GRM8: variants seen among roughly 807,000 people sequenced by gnomAD.
GRM8 encodes the protein glutamate metabotropic receptor 8.
In GRM8, 47 loss-of-function variants were observed where a neutral mutation model predicts 87.2. The observed-to-expected ratio is 0.54, with a 90% CI of 0.43 to 0.69. The LOEUF (loss-of-function observed/expected upper bound fraction) is 0.69, where lower values mean the gene tolerates loss of function less well. Ranked by LOEUF, GRM8 falls within the 30% of genes least tolerant of loss-of-function variation. The pLI is 0.00. For synonymous variants in GRM8, 396 were observed against 404.5 expected (o/e 0.98, Z 0.25); for missense variants, 1,019 against 1,139.2 (o/e 0.89, Z 1.52).
At chr7:127,171,818 T>C (rs929219269) in intron 2 of GRM8, among the ~76,000 whole-genome samples, 15 of 152,206 alleles carry the variant, frequency 9.9e-5, no homozygotes, top group African/African-American at 3.6e-4. Context: ...GTATATATTA[T>C]AATCTACAAG....
At chr7:126,697,423 T>C (rs968071318) in intron 7 of GRM8, among the ~76,000 whole-genome samples, 1 of 152,098 alleles carries the variant, frequency 6.6e-6, no homozygotes, top group African/African-American at 2.4e-5. Flanking sequence ...AAAAAGAAGG[T>C]AATTACGTGA....
In GRM8 at chr7:126,687,400, T is replaced by C. The variant is rs76240730; in HGVS notation, c.1358-77902A>G. Among the ~76,000 whole-genome samples, 658 of 152,306 alleles carry C rather than the reference T, an allele frequency of 4.3e-3. 24 individuals are homozygous for C. In the East Asian group the frequency reaches 0.084, roughly 19 times the overall value. ...CTTTTGAGTTTGCTTGTGAGAAGTA[T>C]CTCCATTGTTATGGTTATCTGTAAT... On this transcript the variant is annotated intron_variant, in intron 7 of 10. Coordinates refer to ENST00000339582, the MANE Select transcript of GRM8 (RefSeq NM_000845.3).
At chr7:127,166,340 G>T (rs140423982) in intron 2 of GRM8, among the ~76,000 whole-genome samples, 89 of 151,998 alleles carry the variant, frequency 5.9e-4, no homozygotes, top group African/African-American at 2.1e-3. Context: ...AACATAAAAG[G>T]CTCAGAAATT....
chr7:126,885,831 A>T (rs1325781404), intron 6 of GRM8, among the ~76,000 whole-genome samples: 4 of 152,176 alleles, frequency 2.6e-5, no homozygotes, highest in Non-Finnish European at 5.9e-5. Flanking sequence ...CCTGAAATAA[A>T]AACAGGAAAT....
intron 9 of GRM8, among the ~76,000 whole-genome samples, chr7:126,464,067 T>A (rs1281047123): frequency 3.3e-5 from 5 of 151,684 alleles, no homozygotes; most frequent in African/African-American, 1.2e-4. Flanking sequence ...TATCTTCTTC[T>A]GAAAGTGATC....
chr7:126,746,060 T>C (rs77590203), intron 7 of GRM8, among the ~76,000 whole-genome samples: 3 of 151,832 alleles, frequency 2.0e-5, no homozygotes, highest in African/African-American at 7.2e-5. Flanking sequence ...CATTATAAAA[T>C]ATTACAACTA....
chr7:126,842,451 C>T (rs1329424674), intron 6 of GRM8, among the ~76,000 whole-genome samples: 1 of 152,224 alleles, frequency 6.6e-6, no homozygotes, highest in African/African-American at 2.4e-5. Flanking sequence ...AGAATCACTA[C>T]ATATTTGTGA....
intron 7 of GRM8, among the ~76,000 whole-genome samples, chr7:126,678,503 AG>A (rs1315889443): frequency 2.0e-5 from 3 of 152,210 alleles, no homozygotes; most frequent in African/African-American, 7.2e-5. Flanking sequence ...GGGCAAGGAG[AG>A]GAAAAATTAC....
intron 2 of GRM8, among the ~76,000 whole-genome samples, chr7:127,143,220 C>T (rs1309816811): frequency 2.6e-5 from 4 of 152,096 alleles, no homozygotes; most frequent in African/African-American, 9.7e-5. Context: ...AAACAGCAAA[C>T]GAATGAGCTC....
chr7:126,494,558 CA>C (rs2150659584), intron 9 of GRM8, among the ~76,000 whole-genome samples: 1 of 152,096 alleles, frequency 6.6e-6, no homozygotes, highest in South Asian at 2.1e-4. Context: ...TAACTGATTG[CA>C]AGCACTTAGA....
chr7:127,133,417 C>CA (rs909993986), intron 2 of GRM8, among the ~76,000 whole-genome samples: 2 of 150,938 alleles, frequency 1.3e-5, no homozygotes, highest in South Asian at 2.1e-4. Flanking sequence ...GAGTCTGTCT[C>CA]AAAAAAAACC....
intron 8 of GRM8, among the ~76,000 whole-genome samples, chr7:126,602,816 A>G (rs1350203997): frequency 1.3e-5 from 2 of 148,772 alleles, no homozygotes; most frequent in African/African-American, 4.9e-5. Flanking sequence ...ACAAGGAGGA[A>G]CTGGTACCAT....
chr7:126,847,281 T>C (rs1043050231), intron 6 of GRM8, among the ~76,000 whole-genome samples: 5 of 152,200 alleles, frequency 3.3e-5, no homozygotes, highest in African/African-American at 1.2e-4. Context: ...CAAAGACTTA[T>C]TCTTATCACC....
intron 3 of GRM8, among the ~76,000 whole-genome samples, chr7:127,096,064 G>T (rs17862290): frequency 1.3e-5 from 2 of 152,218 alleles, no homozygotes; most frequent in Admixed American, 6.5e-5. Flanking sequence ...ACTATGTCAG[G>T]TAATACATTA....
intron 3 of GRM8, among the ~76,000 whole-genome samples, chr7:126,921,575 T>C (rs1804538812): frequency 6.6e-6 from 1 of 152,104 alleles, no homozygotes; most frequent in African/African-American, 2.4e-5. Context: ...CACTCGTGAG[T>C]AAAAACCAAT....
At chr7:127,093,951 T>G (rs2132939133) in intron 3 of GRM8, among the ~76,000 whole-genome samples, 1 of 152,374 alleles carries the variant, frequency 6.6e-6, no homozygotes, top group Middle Eastern at 3.4e-3. Context: ...ACTATTCATC[T>G]GCTAGCCTTC....
chr7:126,962,411 G>C (rs1809414318), intron 3 of GRM8, among the ~76,000 whole-genome samples: 1 of 152,158 alleles, frequency 6.6e-6, no homozygotes, highest in African/African-American at 2.4e-5. Context: ...ATAGCACCAG[G>C]AATTTGTTGA....
intron 8 of GRM8, among the ~76,000 whole-genome samples, chr7:126,571,333 C>T (rs1261203303): frequency 2.6e-5 from 4 of 152,058 alleles, no homozygotes; most frequent in Non-Finnish European, 5.9e-5. Flanking sequence ...CATGGAGACA[C>T]AGCACACAGA....
At chr7:127,093,294 C>T (rs554315627) in intron 3 of GRM8, among the ~76,000 whole-genome samples, 1 of 152,152 alleles carries the variant, frequency 6.6e-6, no homozygotes, top group East Asian at 1.9e-4. Context: ...GCATCATATC[C>T]CTACCACCTA....
Sources: allele counts gnomAD v4.1 joint callset (sites outside exome capture counted in the v4.1 genomes callset), GRCh38; gene constraint gnomAD v4.1.1; transcripts MANE v1.5; gene names NCBI Gene and HGNC (gene_info 2026-07-23, HGNC 2026-07-21).